Variants in RIMBP2 observed in about 807,000 individuals in gnomAD.
RIMBP2 encodes RIMS-binding protein 2.
Under a neutral mutation model 118.6 loss-of-function variants are expected in RIMBP2, and 48 were observed. The ratio of observed to expected loss-of-function variants is 0.40; its 90% CI spans 0.32 to 0.51. The LOEUF (loss-of-function observed/expected upper bound fraction) is 0.51. Ranked by LOEUF, RIMBP2 falls within the 20% of genes least tolerant of loss-of-function variation. The pLI, the probability that RIMBP2 is intolerant of heterozygous loss-of-function variation, is 0.41. For missense variants in RIMBP2, 1,551 were observed against 1,768.3 expected, an observed-to-expected ratio of 0.88 and a Z score of 2.20; for synonymous variants, 762 against 742.9, an observed-to-expected ratio of 1.03 and a Z score of -0.42.
chr12:130,399,072 C>T (rs2074276806), intron 22 of RIMBP2: 1 of 1,135,500 alleles, frequency 8.8e-7, no homozygotes, highest in South Asian at 2.6e-5. Flanking sequence ...GTTAAGGTAG[C>T]TTAAGTTGGT....
chr12:130,686,399 AG>A (rs2034720092), intron 1 of RIMBP2, among the ~76,000 whole-genome samples: 1 of 152,236 alleles, frequency 6.6e-6, no homozygotes, highest in Non-Finnish European at 1.5e-5. Flanking sequence ...AAAGCGCAGC[AG>A]CACTGAGAAG....
At chr12:130,590,014 TG>T in intron 2 of RIMBP2, among the ~76,000 whole-genome samples, 1 of 152,322 alleles carries the variant, frequency 6.6e-6, no homozygotes, top group African/African-American at 2.4e-5. Context: ...AGTGAGTTTC[TG>T]GGAGGGATTG....
intron 1 of RIMBP2, among the ~76,000 whole-genome samples, chr12:130,639,346 G>A (rs555845819): frequency 9.2e-5 from 13 of 141,114 alleles, no homozygotes; most frequent in Admixed American, 1.5e-4. Flanking sequence ...CCAAGATCAC[G>A]CCATTGCATC....
intron 11 of RIMBP2, among the ~76,000 whole-genome samples, chr12:130,441,401 A>AAATAATAATAATCATAATAATAAT (rs772275549): frequency 8.1e-6 from 1 of 122,902 alleles, no homozygotes; most frequent in East Asian, 2.8e-4. Flanking sequence ...ACTCCATCTC[A>AAATAATAATAATCATAATAATAAT]AATAATAATA....
In RIMBP2 at chr12:130,424,808, C is replaced by T. The variant is rs1047911049; in HGVS notation, c.2463G>A (p.Glu821=). ...TSEGTFWEQP[E]FPHQPHRKRL... ...TCTTCCTGTGGGGCTGGTGGGGAAACTCGGGCTGCTCCCAGAAAGTGCCTT... is the reference window on the plus strand; with the variant it reads ...TCTTCCTGTGGGGCTGGTGGGGAAATTCGGGCTGCTCCCAGAAAGTGCCTT... The change falls in exon 16 of 23, where the codon GAG becomes GAA. Residue 821 remains glutamate (E), a synonymous_variant. Coordinates refer to ENST00000690449, the MANE Select transcript of RIMBP2 (RefSeq NM_001393629.1). This position sits in a 1 kb window ranked among gnomAD's most constrained non-coding sequence, Gnocchi z 9.8. 5.7e-6 allele frequency: 7 copies of T among 1,232,622 alleles called. No homozygotes were observed. Among genetic ancestry groups the T allele is most frequent in the Middle Eastern group, 3.1e-4 (1 of 3,234 alleles). 76.4% of individuals were successfully genotyped at this position (1,232,622 alleles called of 1,614,324 possible). A position where few individuals can be genotyped will look rare whatever the true frequency, so the allele number is the denominator to read the frequency against.
At chr12:130,537,666 TTC>T (rs1271921240) in intron 2 of RIMBP2, among the ~76,000 whole-genome samples, 1 of 152,192 alleles carries the variant, frequency 6.6e-6, no homozygotes, top group Non-Finnish European at 1.5e-5. Flanking sequence ...TCATGCAGAA[TTC>T]TCAGTCCAGG....
chr12:130,678,104 G>A (rs1467953881), intron 1 of RIMBP2, among the ~76,000 whole-genome samples: 6 of 152,116 alleles, frequency 3.9e-5, no homozygotes, highest in African/African-American at 9.7e-5. Flanking sequence ...TTTCCTTATC[G>A]AAGTCCCTCC....
chr12:130,652,077 G>GA (rs1436334464), intron 1 of RIMBP2, among the ~76,000 whole-genome samples: 5 of 152,130 alleles, frequency 3.3e-5, no homozygotes, highest in African/African-American at 1.2e-4. Context: ...TGAATGTTTT[G>GA]ATTAATTTGG....
intron 2 of RIMBP2, among the ~76,000 whole-genome samples, chr12:130,519,884 T>G (rs1299884758): frequency 6.6e-6 from 1 of 152,204 alleles, no homozygotes; most frequent in East Asian, 1.9e-4. Context: ...TAGCAGATGT[T>G]GTGAGGATTC....
chr12:130,626,010 A>G (rs1249933716), intron 2 of RIMBP2, among the ~76,000 whole-genome samples: 5 of 152,224 alleles, frequency 3.3e-5, no homozygotes, highest in Non-Finnish European at 7.3e-5. Flanking sequence ...AATTATATTC[A>G]TTGAAGAAAC....
At chr12:130,601,615 T>C (rs10773800) in intron 2 of RIMBP2, among the ~76,000 whole-genome samples, 73,966 of 152,070 alleles carry the variant, frequency 0.49, 19,340 homozygotes, top group Admixed American at 0.61. Context: ...AATGCAATTA[T>C]CTTCCAGCAC....
At chr12:130,660,048 C>T (rs898607511) in intron 1 of RIMBP2, 1 of 109,262 alleles carries the variant, frequency 9.2e-6, no homozygotes, top group Non-Finnish European at 2.3e-5. Context: ...ACTCTGTCAC[C>T]ATGGCTGGAG....
intron 1 of RIMBP2, among the ~76,000 whole-genome samples, chr12:130,691,137 G>A (rs980284961): frequency 1.1e-4 from 17 of 152,244 alleles, no homozygotes; most frequent in East Asian, 3.9e-4. Flanking sequence ...AATCTCAAAC[G>A]CCTCCAGGAC....
At chr12:130,657,528 TG>T in intron 1 of RIMBP2, among the ~76,000 whole-genome samples, 1 of 152,324 alleles carries the variant, frequency 6.6e-6, no homozygotes. Context: ...GCTTGGGGGA[TG>T]GAAGACAGAG....
intron 2 of RIMBP2, among the ~76,000 whole-genome samples, chr12:130,544,474 C>G (rs531239294): frequency 6.6e-6 from 1 of 152,304 alleles, no homozygotes. Flanking sequence ...CTCCCTCTCT[C>G]CCTCTCCCTG....
intron 7 of RIMBP2, among the ~76,000 whole-genome samples, chr12:130,454,819 T>TG (rs1031904529): frequency 1.3e-5 from 2 of 152,338 alleles, no homozygotes; most frequent in Admixed American, 6.5e-5. Context: ...TCACATGCTG[T>TG]GGGCCTCGGA....
chr12:130,591,253 C>T (rs1385219518), intron 2 of RIMBP2, among the ~76,000 whole-genome samples: 1 of 152,184 alleles, frequency 6.6e-6, no homozygotes, highest in African/African-American at 2.4e-5. Context: ...CACAGATAGC[C>T]AGAACCACTT....
chr12:130,417,617 G>A (rs184809166), intron 17 of RIMBP2, among the ~76,000 whole-genome samples: 15 of 152,190 alleles, frequency 9.9e-5, no homozygotes, highest in African/African-American at 1.9e-4. Context: ...AACTCCTGAC[G>A]GGGCGCTATG....
At chr12:130,651,560 T>C (rs192887004) in intron 1 of RIMBP2, 36 of 152,324 alleles carry the variant, frequency 2.4e-4, no homozygotes, top group South Asian at 8.3e-4. Context: ...CGTCCTGGCA[T>C]GGCGGTCCTC....
Sources: gnomAD v4.1 joint callset for allele counts (sites outside exome capture counted in the v4.1 genomes callset) on GRCh38, gnomAD v4.1.1 for gene constraint, Gnocchi (gnomAD v3.1) non-coding constraint, MANE v1.5 for transcripts, NCBI Gene and HGNC (gene_info 2026-07-23, HGNC 2026-07-21) for gene names.